The following PLD5 variants were observed in gnomAD, a reference collection of about 807,000 sequenced individuals.
PLD5 encodes the protein inactive phospholipase D5.
In PLD5, 36 loss-of-function variants were observed where a neutral mutation model predicts 61.1. The observed-to-expected ratio is 0.59, with a 90% CI of 0.45 to 0.78. The LOEUF (loss-of-function observed/expected upper bound fraction) is 0.78, where lower values mean the gene tolerates loss of function less well. Among genes scored for constraint, PLD5 ranks in the 30% least tolerant of loss-of-function variants. PLD5 has a pLI of 0.00. For synonymous variants in PLD5, 243 were observed against 242.8 expected (o/e 1.00, Z -0.01); for missense variants, 515 against 644.4 (o/e 0.80, Z 2.17).
At chr1:242,425,266 C>A (rs1665355182) in intron 1 of PLD5, among the ~76,000 whole-genome samples, 1 of 152,186 alleles carries the variant, frequency 6.6e-6, no homozygotes, top group Non-Finnish European at 1.5e-5. Flanking sequence ...GCCTACTACA[C>A]TCCCAGGATA....
intron 5 of PLD5, among the ~76,000 whole-genome samples, chr1:242,167,099 A>T (rs1174222566): frequency 6.8e-6 from 1 of 146,428 alleles, no homozygotes; most frequent in Non-Finnish European, 1.5e-5. Flanking sequence ...AATAATAATA[A>T]TAATAATAAT....
intron 4 of PLD5, among the ~76,000 whole-genome samples, chr1:242,264,845 A>G (rs1433231538): frequency 4.6e-5 from 7 of 152,230 alleles, no homozygotes; most frequent in Admixed American, 3.3e-4. Context: ...TTGTGAGAAA[A>G]ACTGCAAAGT....
intron 1 of PLD5, among the ~76,000 whole-genome samples, chr1:242,463,201 C>A (rs1667172719): frequency 6.6e-6 from 1 of 152,196 alleles, no homozygotes. Context: ...TGCCATGTCA[C>A]TACAGCACAT....
chr1:242,136,211 A>G (rs1663714543), intron 5 of PLD5, among the ~76,000 whole-genome samples: 1 of 152,214 alleles, frequency 6.6e-6, no homozygotes, highest in Admixed American at 6.5e-5. Context: ...ACTAACTGAT[A>G]GTTTGTTCAC....
chr1:242,183,742 A>C (rs1038974800), intron 5 of PLD5, among the ~76,000 whole-genome samples: 1 of 151,758 alleles, frequency 6.6e-6, no homozygotes, highest in Non-Finnish European at 1.5e-5. Flanking sequence ...AAAATACAAA[A>C]AATTAGGCAG....
chr1:242,340,229 G>T (rs1316672496), intron 2 of PLD5, among the ~76,000 whole-genome samples: 3 of 152,130 alleles, frequency 2.0e-5, no homozygotes, highest in African/African-American at 4.8e-5. Flanking sequence ...ATTCTTCAGA[G>T]TTCCTCTGGG....
intron 5 of PLD5, among the ~76,000 whole-genome samples, chr1:242,164,464 G>C (rs977880161): frequency 3.3e-5 from 5 of 152,106 alleles, no homozygotes; most frequent in African/African-American, 9.6e-5. Flanking sequence ...ATTCACTGAC[G>C]GGCCATGTTA....
chr1:242,121,933 G>A (rs759727621), intron 6 of PLD5, among the ~76,000 whole-genome samples: 1 of 122,514 alleles, frequency 8.2e-6, no homozygotes, highest in Non-Finnish European at 1.6e-5. Flanking sequence ...ACACACCAGG[G>A]CCTGTCATGG....
intron 1 of PLD5, among the ~76,000 whole-genome samples, chr1:242,425,511 AT>A (rs1216141275): frequency 6.6e-6 from 1 of 152,190 alleles, no homozygotes; most frequent in Non-Finnish European, 1.5e-5. Flanking sequence ...GAGTGAGTGA[AT>A]GTGAAGGCCT....
the PLD5 span, among the ~76,000 whole-genome samples, chr1:242,530,499 A>G: frequency 6.6e-6 from 1 of 152,234 alleles, no homozygotes; most frequent in Non-Finnish European, 1.5e-5. Context: ...CTCAGTGTAG[A>G]TGGATTAGGT....
At chr1:242,352,800 A>G (rs1660550780) in intron 1 of PLD5, among the ~76,000 whole-genome samples, 1 of 152,334 alleles carries the variant, frequency 6.6e-6, no homozygotes, top group African/African-American at 2.4e-5. Flanking sequence ...GGTTAGTGAT[A>G]CTGAACATTT....
intron 5 of PLD5, among the ~76,000 whole-genome samples, chr1:242,144,788 A>T (rs1466216449): frequency 6.6e-6 from 1 of 152,036 alleles, no homozygotes; most frequent in Admixed American, 6.6e-5. Context: ...CTCAAAAATA[A>T]ATAAATAAAT....
At chr1:242,377,785 C>T (rs77641461) in intron 1 of PLD5, among the ~76,000 whole-genome samples, 1 of 152,212 alleles carries the variant, frequency 6.6e-6, no homozygotes, top group Non-Finnish European at 1.5e-5. Context: ...TGTTCAACAT[C>T]ACTATAGAAA....
intron 5 of PLD5, among the ~76,000 whole-genome samples, chr1:242,137,315 T>C (rs1663812224): frequency 6.6e-6 from 1 of 152,214 alleles, no homozygotes; most frequent in South Asian, 2.1e-4. Flanking sequence ...CTCTTTGCGC[T>C]CAGCTCTTCT....
Position 242,089,420 on chromosome 1 carries a change from ACAC to A in PLD5, c.*431_*433del. The A allele has an allele frequency of 2.9e-5, 12 of 415,772 alleles. No homozygotes were observed. Among genetic ancestry groups the A allele is most frequent in the South Asian group, 2.1e-4 (2 of 9,688 alleles). 25.8% of individuals were successfully genotyped at this position (415,772 alleles called of 1,614,324 possible). A position where few individuals can be genotyped will look rare whatever the true frequency, so the allele number is the denominator to read the frequency against. On this transcript the variant is annotated 3_prime_UTR_variant, in exon 10 of 10. Transcript: ENST00000536534. ...TCTTGGAGACGATTTACAAGAATAA[ACAC>A]TTGGTTTTATCAGTCTCTTCTCCAA... is the stretch of plus-strand genomic sequence containing the variant.
At chr1:242,490,391 A>G (rs1303987998) in intron 1 of PLD5, among the ~76,000 whole-genome samples, 1 of 152,222 alleles carries the variant, frequency 6.6e-6, no homozygotes, top group Non-Finnish European at 1.5e-5. Flanking sequence ...TTTTAATTGT[A>G]TTGTAATTAT....
chr1:242,516,573 T>C (rs1488485927), intron 1 of PLD5, among the ~76,000 whole-genome samples: 1 of 152,182 alleles, frequency 6.6e-6, no homozygotes, highest in East Asian at 1.9e-4. Context: ...GCACCCTTTT[T>C]TGAAAAGATT....
At chr1:242,505,967 T>C (rs970407985) in intron 1 of PLD5, among the ~76,000 whole-genome samples, 19 of 152,332 alleles carry the variant, frequency 1.2e-4, no homozygotes, top group African/African-American at 4.3e-4. Context: ...AAAACAAATA[T>C]ATAGCACTTG....
chr1:242,404,006 A>C (rs1451295140), intron 1 of PLD5, among the ~76,000 whole-genome samples: 2 of 152,308 alleles, frequency 1.3e-5, no homozygotes, highest in Middle Eastern at 3.4e-3. Context: ...GAAGTGGAGT[A>C]GTTGGTCAAT....
Sources: allele counts gnomAD v4.1 joint callset (sites outside exome capture counted in the v4.1 genomes callset), GRCh38; gene constraint gnomAD v4.1.1; transcripts MANE v1.5; gene names NCBI Gene and HGNC (gene_info 2026-07-23, HGNC 2026-07-21).